The following RHOBTB1 variants were observed in gnomAD, a reference collection of about 807,000 sequenced individuals.
The protein encoded by RHOBTB1 is Rho related BTB domain containing 1.
In RHOBTB1, 40 loss-of-function variants were observed where a neutral mutation model predicts 71.6. That is an observed-to-expected ratio of 0.56 (90% confidence interval 0.43 to 0.73). RHOBTB1 has a LOEUF of 0.73. RHOBTB1 is among the 30% of genes least tolerant of loss of function. The probability of loss-of-function intolerance (pLI) is 0.00; values close to 1 mark genes in which losing one functional copy is unlikely to be tolerated. For missense variants in RHOBTB1, 797 were observed against 894.0 expected (o/e 0.89, Z 1.38); for synonymous variants, 319 against 334.9 (o/e 0.95, Z 0.52).
chr10:60,911,308 ATGATG>A lies in RHOBTB1; in HGVS notation c.192+38_192+42del, dbSNP rs573367483. ...GAAAAAATCAGACTGGCAACCAGCAATGATGTGCCCTAGGGATGCTGAAGACACTC... is the reference window on the plus strand; with the variant it reads ...GAAAAAATCAGACTGGCAACCAGCAATGCCCTAGGGATGCTGAAGACACTC... On this transcript the variant is annotated intron_variant, in intron 3 of 10. Coordinates refer to ENST00000337910, the MANE Select transcript of RHOBTB1 (RefSeq NM_014836.5). The A allele has an allele frequency of 7.0e-5, 109 of 1,548,468 alleles. No individual in the cohort carries two copies. The East Asian group carries it at 2.5e-3, about 35-fold the overall frequency.
In RHOBTB1 at chr10:60,890,400, T is replaced by C. The variant is rs141644180; in HGVS notation, c.483-1215A>G. On this transcript the variant is annotated intron_variant, in intron 5 of 10. Transcript: ENST00000337910. ...AGTTCTGTTTTAACTTCCTCTGATG[T>C]CACAAAGCCCCTGGAATAAAGTCCA... 2.6e-5 allele frequency among the ~76,000 whole-genome samples: 4 copies of C among 152,182 alleles called. No homozygotes were observed. In the East Asian group the frequency reaches 7.7e-4, roughly 29 times the overall value.
At chr10:60,947,539 G>A (rs1364205322), upstream of RHOBTB1, among the ~76,000 whole-genome samples, 3 of 151,886 alleles carry the variant, frequency 2.0e-5, no homozygotes, top group Middle Eastern at 6.8e-3. Context: ...TTGTGAGACT[G>A]TTATATTAAT....
At chr10:60,910,848 G>A (rs750128942) in intron 4 of RHOBTB1, 39 bp downstream of exon 4, 2 of 1,454,338 alleles carry the variant, frequency 1.4e-6, no homozygotes, top group East Asian at 4.5e-5. Context: ...AAAGGAAATT[G>A]CATTCAAGCT....
chr10:60,948,073 G>C (rs181608663), upstream of RHOBTB1, among the ~76,000 whole-genome samples: 22 of 152,198 alleles, frequency 1.4e-4, no homozygotes, highest in Non-Finnish European at 2.6e-4. Flanking sequence ...TAATAATGTT[G>C]AATATATTTT....
At chr10:60,942,899 G>A (rs997673987) in intron 1 of RHOBTB1, among the ~76,000 whole-genome samples, 1 of 150,266 alleles carries the variant, frequency 6.7e-6, no homozygotes, top group Non-Finnish European at 1.5e-5. Flanking sequence ...AGTGCAGAAC[G>A]TACACCACCG....
At chr10:60,897,344 CT>C (rs2082208454) in intron 4 of RHOBTB1, among the ~76,000 whole-genome samples, 1 of 152,192 alleles carries the variant, frequency 6.6e-6, no homozygotes, top group Admixed American at 6.5e-5. Context: ...CAGTAACAAA[CT>C]TTTATTGTTA....
intron 2 of RHOBTB1, among the ~76,000 whole-genome samples, chr10:60,979,924 T>C (rs933067237): frequency 6.6e-6 from 1 of 152,118 alleles, no homozygotes; most frequent in Admixed American, 6.6e-5. Flanking sequence ...GAAAAGGTCA[T>C]AAGGCAGAAA....
chr10:60,871,531 C>G lies in RHOBTB1; in HGVS notation c.2042G>C (p.Arg681Pro). The G allele has an allele frequency of 6.2e-7, 1 of 1,614,080 alleles. No homozygotes were observed. The highest frequency in any genetic ancestry group is 1.1e-5 in the South Asian group (1 of 91,076). ...EKEDIALNKHRSRRKWCFWNS... is the reference protein window; with the variant it reads ...EKEDIALNKHPSRRKWCFWNS... ...CCAGAAGCACCACTTTCGTCTTGAG[C>G]GATGCTTATTTAGTGCAATATCTTC... The change falls in exon 11 of 11, where the codon CGC becomes CCC. Residue 681 changes from arginine to proline, a missense_variant. By Grantham distance (103) the Arg-to-Pro change is moderately radical. Coordinates refer to ENST00000337910, the MANE Select transcript of RHOBTB1 (RefSeq NM_014836.5).
intron 1 of RHOBTB1, among the ~76,000 whole-genome samples, chr10:60,998,107 C>T (rs1389389526): frequency 1.3e-5 from 2 of 152,136 alleles, no homozygotes; most frequent in African/African-American, 2.4e-5. Context: ...GTACTAGGTG[C>T]AGTGTGTCCA....
intron 2 of RHOBTB1, among the ~76,000 whole-genome samples, chr10:60,955,500 G>A (rs4309112): frequency 0.012 from 1,765 of 152,278 alleles, 38 homozygotes; most frequent in African/African-American, 0.04. Context: ...TTCTGATTGA[G>A]CAGGGTAATT....
At chr10:60,916,843 T>C (rs1482764605) in intron 2 of RHOBTB1, among the ~76,000 whole-genome samples, 1 of 152,246 alleles carries the variant, frequency 6.6e-6, no homozygotes, top group Non-Finnish European at 1.5e-5. Flanking sequence ...GGACTATCTA[T>C]GTGGGTGCAA....
intron 7 of RHOBTB1, among the ~76,000 whole-genome samples, chr10:60,883,485 CT>C (rs2081422348): frequency 6.6e-6 from 1 of 152,178 alleles, no homozygotes; most frequent in Non-Finnish European, 1.5e-5. Flanking sequence ...GCCTGCGTTC[CT>C]GACCTCGATC....
chr10:60,865,102 T>C (rs1036667695), downstream of RHOBTB1, among the ~76,000 whole-genome samples: 6 of 152,136 alleles, frequency 3.9e-5, no homozygotes, highest in African/African-American at 1.4e-4. Context: ...AGAGAAAACA[T>C]AGTGATTTCA....
At chr10:60,897,559 A>C (rs1325629545) in intron 4 of RHOBTB1, among the ~76,000 whole-genome samples, 2 of 152,172 alleles carry the variant, frequency 1.3e-5, no homozygotes, top group Non-Finnish European at 1.5e-5. Context: ...TTTACGGGCA[A>C]TGAGAAGGAC....
intron 2 of RHOBTB1, among the ~76,000 whole-genome samples, chr10:60,925,511 A>G (rs964720713): frequency 6.6e-6 from 1 of 152,160 alleles, no homozygotes; most frequent in African/African-American, 2.4e-5. Context: ...ACCTTATAAT[A>G]TATCGTAAAG....
intron 4 of RHOBTB1, among the ~76,000 whole-genome samples, chr10:60,899,735 A>G (rs2082324290): frequency 6.6e-6 from 1 of 152,236 alleles, no homozygotes; most frequent in South Asian, 2.1e-4. Flanking sequence ...TTAGTAAAAG[A>G]CACAAACTGC....
At chr10:60,956,311 C>T (rs1357863777) in intron 2 of RHOBTB1, among the ~76,000 whole-genome samples, 3 of 152,122 alleles carry the variant, frequency 2.0e-5, no homozygotes, top group Non-Finnish European at 4.4e-5. Flanking sequence ...AGGAATGGAA[C>T]ATGCAGGACT....
At chr10:60,988,170 G>T (rs186483017) in intron 1 of RHOBTB1, among the ~76,000 whole-genome samples, 2 of 151,668 alleles carry the variant, frequency 1.3e-5, no homozygotes, top group Non-Finnish European at 2.9e-5. Flanking sequence ...TCCTGACCTC[G>T]TGATCTGCCC....
chr10:60,971,526 C>T (rs2086158599), intron 2 of RHOBTB1, among the ~76,000 whole-genome samples: 1 of 152,100 alleles, frequency 6.6e-6, no homozygotes, highest in Admixed American at 6.6e-5. Flanking sequence ...ATTCCTTACA[C>T]CTTATACAAA....
Sources: allele counts gnomAD v4.1 joint callset (sites outside exome capture counted in the v4.1 genomes callset), GRCh38; gene constraint gnomAD v4.1.1; transcripts MANE v1.5; gene names NCBI Gene and HGNC (gene_info 2026-07-23, HGNC 2026-07-21).